Variants in SDK1 observed in about 807,000 individuals in gnomAD.
SDK1 encodes the protein protein sidekick-1.
A neutral mutation model predicts 245.5 loss-of-function variants in SDK1; 157 were observed. The ratio of observed to expected loss-of-function variants is 0.64; its 90% CI spans 0.56 to 0.73. SDK1 has a LOEUF of 0.73. Ranked by LOEUF, SDK1 falls within the 30% of genes least tolerant of loss-of-function variation. The probability of loss-of-function intolerance (pLI) is 0.00; values close to 1 mark genes in which losing one functional copy is unlikely to be tolerated. For missense variants in SDK1, 3,583 were observed against 3,002.3 expected (o/e 1.19, Z -4.52); for synonymous variants, 1,647 against 1,278.5 (o/e 1.29, Z -6.15).
intron 35 of SDK1, among the ~76,000 whole-genome samples, chr7:4,180,871 C>A (rs956264496): frequency 1.3e-5 from 2 of 152,200 alleles, no homozygotes; most frequent in African/African-American, 4.8e-5. Flanking sequence ...CCATCCCCTC[C>A]CGCCAGGCCC....
rs892760728 is a variant in SDK1, at chr7:3,301,270, C to T, written c.-317C>T. Among the ~76,000 whole-genome samples the T allele has an allele frequency of 1.5e-5, 2 of 137,646 alleles. No individual in the cohort carries two copies. 90.3% of individuals were successfully genotyped at this position (137,646 alleles called of 152,430 possible). ...GGCGGGCGCACTTTCTTCTCAGCGC[C>T]GGGCGGGGGCGGCGGCGGCGGCGGC... On this transcript the variant is annotated 5_prime_UTR_variant, in exon 1 of 45. Coordinates refer to ENST00000404826, the MANE Select transcript of SDK1 (RefSeq NM_152744.4).
chr7:3,447,929 C>G (rs752776952), intron 1 of SDK1, among the ~76,000 whole-genome samples: 1 of 151,568 alleles, frequency 6.6e-6, no homozygotes, highest in Non-Finnish European at 1.5e-5. Context: ...GTCTCGAATT[C>G]CCGAGCTCAG....
intron 1 of SDK1, among the ~76,000 whole-genome samples, chr7:3,529,009 G>GT (rs1783250363): frequency 6.6e-6 from 1 of 152,154 alleles, no homozygotes; most frequent in South Asian, 2.1e-4. Flanking sequence ...TGAGTGGTAA[G>GT]TTGTTTACAT....
chr7:3,696,737 A>G (rs1276991614), intron 4 of SDK1, among the ~76,000 whole-genome samples: 5 of 152,072 alleles, frequency 3.3e-5, no homozygotes, highest in African/African-American at 1.2e-4. Flanking sequence ...AATAATATAT[A>G]TTTAATTATT....
At chr7:3,387,510 C>G (rs1421208805) in intron 1 of SDK1, among the ~76,000 whole-genome samples, 1 of 152,214 alleles carries the variant, frequency 6.6e-6, no homozygotes, top group Non-Finnish European at 1.5e-5. Context: ...CTTCCAACAT[C>G]ATGTAAGAGC....
intron 1 of SDK1, among the ~76,000 whole-genome samples, chr7:3,440,503 C>G (rs1407249780): frequency 2.0e-5 from 3 of 152,102 alleles, no homozygotes; most frequent in Non-Finnish European, 4.4e-5. Context: ...GGGATTTGCT[C>G]TTTGAGGTTC....
intron 4 of SDK1, among the ~76,000 whole-genome samples, chr7:3,779,117 T>C (rs979276992): frequency 4.6e-5 from 7 of 152,238 alleles, no homozygotes; most frequent in Non-Finnish European, 1.0e-4. Flanking sequence ...GTTTCTTTTC[T>C]GATTATATTA....
intron 1 of SDK1, among the ~76,000 whole-genome samples, chr7:3,524,697 G>T (rs1367176763): frequency 1.3e-5 from 2 of 152,156 alleles, no homozygotes; most frequent in Non-Finnish European, 2.9e-5. Flanking sequence ...AACGTTAGGA[G>T]CTCACCTTTA....
chr7:4,119,082 A>G (rs2128193653), intron 25 of SDK1, among the ~76,000 whole-genome samples: 1 of 148,614 alleles, frequency 6.7e-6, no homozygotes, highest in East Asian at 1.9e-4. Flanking sequence ...TGATATATTA[A>G]TAATCTCACA....
At chr7:3,313,686 T>C (rs1164979438) in intron 1 of SDK1, among the ~76,000 whole-genome samples, 1 of 152,146 alleles carries the variant, frequency 6.6e-6, no homozygotes, top group East Asian at 1.9e-4. Flanking sequence ...GTTTGGGAGA[T>C]GTTGGTCAAA....
At chr7:3,477,278 C>G (rs559298918) in intron 1 of SDK1, among the ~76,000 whole-genome samples, 2 of 132,970 alleles carry the variant, frequency 1.5e-5, no homozygotes, top group South Asian at 5.0e-4. Flanking sequence ...TCAGTGCAGT[C>G]TCCATCTCCT....
chr7:3,567,222 G>A (rs1216542182), intron 1 of SDK1, among the ~76,000 whole-genome samples: 1 of 152,176 alleles, frequency 6.6e-6, no homozygotes, highest in African/African-American at 2.4e-5. Flanking sequence ...GTGCTTTGAT[G>A]TTTGTTTATT....
At chr7:4,060,776 T>G (rs2128170709) in intron 19 of SDK1, among the ~76,000 whole-genome samples, 1 of 152,336 alleles carries the variant, frequency 6.6e-6, no homozygotes, top group Admixed American at 6.5e-5. Context: ...TGGTTTTAGG[T>G]CTAACGTTTA....
intron 14 of SDK1, among the ~76,000 whole-genome samples, chr7:4,008,923 A>G (rs1293324554): frequency 6.6e-6 from 1 of 152,194 alleles, no homozygotes; most frequent in African/African-American, 2.4e-5. Context: ...GAGAAGCAGA[A>G]TTGCTGGATT....
In SDK1 at chr7:4,250,307, ATGT is replaced by A. The variant is rs554050417; in HGVS notation, c.6381+4506_6381+4508del. Among the ~76,000 whole-genome samples, 77 of 151,982 alleles carry A rather than the reference ATGT, an allele frequency of 5.1e-4. 1 individual carries two copies. Among genetic ancestry groups the A allele is most frequent in the African/African-American group, 1.5e-3 (64 of 41,472 alleles). On this transcript the variant is annotated intron_variant, in intron 44 of 44. Coordinates refer to ENST00000404826, the MANE Select transcript of SDK1 (RefSeq NM_152744.4). ...ACTTCTCCCTTTATAGGAAACAAAC[ATGT>A]TGTATTTTGCCCATGTGGTTTCTTG... is the stretch of plus-strand genomic sequence containing the variant.
At chr7:3,407,835 C>G (rs538009274) in intron 1 of SDK1, among the ~76,000 whole-genome samples, 1 of 152,102 alleles carries the variant, frequency 6.6e-6, no homozygotes, top group Non-Finnish European at 1.5e-5. Flanking sequence ...GAAAACAAAT[C>G]ATTTAACTGC....
At chr7:3,593,816 G>A (rs1416553183) in intron 1 of SDK1, among the ~76,000 whole-genome samples, 2 of 152,066 alleles carry the variant, frequency 1.3e-5, no homozygotes, top group Non-Finnish European at 2.9e-5. Flanking sequence ...TTCTGGCTTT[G>A]CCACTTCGCA....
intron 1 of SDK1, among the ~76,000 whole-genome samples, chr7:3,445,756 A>G (rs1470718810): frequency 6.6e-6 from 1 of 152,182 alleles, no homozygotes; most frequent in Non-Finnish European, 1.5e-5. Context: ...ATCACATTAG[A>G]CAATATTATT....
intron 5 of SDK1, among the ~76,000 whole-genome samples, chr7:3,829,711 C>G (rs879739208): frequency 6.6e-6 from 1 of 152,176 alleles, no homozygotes; most frequent in African/African-American, 2.4e-5. Context: ...GGAAGGCTCT[C>G]TGCGAAGAGC....
Sources: gnomAD v4.1 joint callset for allele counts (sites outside exome capture counted in the v4.1 genomes callset) on GRCh38, gnomAD v4.1.1 for gene constraint, MANE v1.5 for transcripts, NCBI Gene and HGNC (gene_info 2026-07-23, HGNC 2026-07-21) for gene names.